The following ASXL1 variants were observed in gnomAD, a reference collection of about 807,000 sequenced individuals.
ASXL1 encodes polycomb group protein ASXL1.
In ASXL1, 65 loss-of-function variants were observed where a neutral mutation model predicts 89.1. The ratio of observed to expected loss-of-function variants is 0.73; its 90% CI spans 0.60 to 0.90. The LOEUF (loss-of-function observed/expected upper bound fraction) is 0.90, where lower values mean the gene tolerates loss of function less well. Ranked by LOEUF, ASXL1 falls within the 40% of genes least tolerant of loss-of-function variation. The pLI is 0.00. For missense variants in ASXL1, 1,786 were observed against 1,942.9 expected (o/e 0.92, Z 1.52); for synonymous variants, 739 against 746.9 (o/e 0.99, Z 0.17).
In ASXL1 at chr20:32,395,147, A is replaced by AT. The variant is rs1433570805; in HGVS notation, c.252+26028dup. 2.0e-5 allele frequency among the ~76,000 whole-genome samples: 3 copies of AT among 152,068 alleles called. No homozygotes were observed. In the East Asian group the frequency reaches 5.8e-4, roughly 29 times the overall value. ...CTTCAGTTTTTTCTCGTCAGTTCAG[A>AT]TTTTCTTTCTGCCAGAGGACTTCCT... On this transcript the variant is annotated intron_variant, in intron 4 of 12. Coordinates refer to ENST00000375687, the MANE Select transcript of ASXL1 (RefSeq NM_015338.6).
rs2145389319 is a variant in ASXL1, at chr20:32,436,622, CT to C, written c.3915del (p.Phe1305LeufsTer145). ...QSNVTGQGKK[L>X]FGSGNVAATL... ...CAATGTTACAGGCCAAGGGAAGAAGCTTTTTGGCTCTGGGAATGTGGCTGCA... is the reference window on the plus strand; with the variant it reads ...CAATGTTACAGGCCAAGGGAAGAAGCTTTTGGCTCTGGGAATGTGGCTGCA... On this transcript the variant is annotated frameshift_variant, in exon 13 of 13. Coordinates refer to ENST00000375687, the MANE Select transcript of ASXL1 (RefSeq NM_015338.6). LOFTEE classifies it high-confidence loss of function. 1 of 1,614,148 alleles carries C rather than the reference CT, an allele frequency of 6.2e-7. No homozygotes were observed. Among genetic ancestry groups the C allele is most frequent in the Non-Finnish European group, 8.5e-7 (1 of 1,180,040 alleles).
At chr20:32,433,216 A>G (rs2011581396) in intron 11 of ASXL1, 68 bp from the exon 12 acceptor site, 1 of 1,606,274 alleles carries the variant, frequency 6.2e-7, no homozygotes, top group Non-Finnish European at 8.5e-7. Flanking sequence ...CTGGGTCCAT[A>G]TTATTCATAG....
intron 4 of ASXL1, among the ~76,000 whole-genome samples, chr20:32,381,065 C>T (rs1240194662): frequency 6.6e-6 from 1 of 152,186 alleles, no homozygotes; most frequent in Non-Finnish European, 1.5e-5. Context: ...CTTGGGTATA[C>T]TTTAGGGCCC....
At chr20:32,396,824 G>GT (rs1221820816) in intron 4 of ASXL1, among the ~76,000 whole-genome samples, 8 of 151,958 alleles carry the variant, frequency 5.3e-5, no homozygotes, top group African/African-American at 1.7e-4. Flanking sequence ...TATACATGAG[G>GT]TCACATACTG....
chr20:32,371,657 G>C, intron 4 of ASXL1: 1 of 300,472 alleles, frequency 3.3e-6, no homozygotes. Context: ...CACAGCTGGA[G>C]TGCAGTAGTA....
chr20:32,384,676 G>GT (rs1312644815), intron 4 of ASXL1, among the ~76,000 whole-genome samples: 1 of 152,152 alleles, frequency 6.6e-6, no homozygotes, highest in Non-Finnish European at 1.5e-5. Context: ...TCAGAGTCTG[G>GT]TTTTATGCCC....
chr20:32,401,552 C>CTTTTTT (rs777632008), intron 4 of ASXL1, among the ~76,000 whole-genome samples: 8 of 120,334 alleles, frequency 6.6e-5, no homozygotes, highest in South Asian at 2.3e-4. Flanking sequence ...GTGTTTTTTC[C>CTTTTTT]CCCCCCCCCT....
chr20:32,422,080 C>T (rs1182193233), intron 4 of ASXL1, among the ~76,000 whole-genome samples: 6 of 149,372 alleles, frequency 4.0e-5, no homozygotes, highest in South Asian at 2.2e-4. Flanking sequence ...GGGGTTTCAC[C>T]GTGTTAGCCA....
At chr20:32,408,963 T>C (rs1185341407) in intron 4 of ASXL1, among the ~76,000 whole-genome samples, 1 of 152,096 alleles carries the variant, frequency 6.6e-6, no homozygotes, top group African/African-American at 2.4e-5. Flanking sequence ...TTTTATTTTT[T>C]TAATTTTTTA....
chr20:32,381,215 CT>C (rs957203747), intron 4 of ASXL1, among the ~76,000 whole-genome samples: 1 of 151,808 alleles, frequency 6.6e-6, no homozygotes, highest in Non-Finnish European at 1.5e-5. Flanking sequence ...TACCAAAGTC[CT>C]TTTTTTTGAG....
At chr20:32,391,209 T>C (rs2048665544) in intron 4 of ASXL1, among the ~76,000 whole-genome samples, 1 of 152,142 alleles carries the variant, frequency 6.6e-6, no homozygotes, top group Non-Finnish European at 1.5e-5. Flanking sequence ...TTTCTGTATA[T>C]TGCAGGATAG....
chr20:32,433,438 CCAGAT>C lies in ASXL1; in HGVS notation c.1242_1246del (p.Asp415ProfsTer21). ...TGGGCATTTTAAGAAACGCTCTCGG[CCAGAT>C]CTCCGAACCAGAGCCAGAAGGAATC... is the stretch of plus-strand genomic sequence containing the variant. On this transcript the variant is annotated frameshift_variant, in exon 12 of 13. Transcript: ENST00000375687. LOFTEE classifies it high-confidence loss of function. The C allele has an allele frequency of 6.2e-7, 1 of 1,614,164 alleles. No individual in the cohort carries two copies. Among genetic ancestry groups the C allele is most frequent in the Non-Finnish European group, 8.5e-7 (1 of 1,180,032 alleles).
chr20:32,385,721 C>G (rs948059547), intron 4 of ASXL1, among the ~76,000 whole-genome samples: 1 of 152,096 alleles, frequency 6.6e-6, no homozygotes, highest in African/African-American at 2.4e-5. Context: ...TACTTACTTT[C>G]ACTTCGCCCC....
At chr20:32,386,104 T>A (rs1435718888) in intron 4 of ASXL1, among the ~76,000 whole-genome samples, 2 of 152,224 alleles carry the variant, frequency 1.3e-5, no homozygotes, top group South Asian at 4.1e-4. Context: ...GTTTGATGTG[T>A]CTCTCCTGAC....
At position 32,434,931 on chromosome 20, in the gene ASXL1, C is replaced by T. The variant is rs773075570; in HGVS notation, c.2219C>T (p.Thr740Ile). ...CLLQRATVGL[T>I]DGLGDASQLP... is the part of the protein sequence containing the mutation. ...CTACAGAGGGCTACAGTTGGACTCA[C>T]AGATGGGCTAGGAGATGCCTCCCAA... The change falls in exon 13 of 13, where the codon ACA becomes ATA. Residue 740 changes from threonine to isoleucine, a missense_variant. By Grantham distance (89) the Thr-to-Ile change is moderately conservative (BLOSUM62 -1). Around this residue, in one of 3 missense-constraint regions of ASXL1, gnomAD observed 1,418 missense variants for 1,427.8 expected, o/e 0.99. Transcript: ENST00000375687. The T allele has an allele frequency of 1.2e-6, 2 of 1,614,186 alleles. No individual in the cohort carries two copies. The highest frequency in any genetic ancestry group is 2.2e-5 in the South Asian group (2 of 91,080).
Position 32,435,565 on chromosome 20 carries a change from T to A in ASXL1, c.2853T>A (p.Asp951Glu). 6.2e-7 allele frequency: 1 copy of A among 1,613,980 alleles called. No homozygotes were observed. Among genetic ancestry groups the A allele is most frequent in the Non-Finnish European group, 8.5e-7 (1 of 1,180,006 alleles). Residue 951 changes from aspartate (D) to glutamate (E), a missense_variant, in exon 13 of 13, where the codon GAT becomes GAA. By Grantham distance (45) the Asp-to-Glu change is conservative. This residue lies in a region of ASXL1 where 1,418 missense variants were observed against 1,427.8 expected (regional missense o/e 0.99). Coordinates refer to ENST00000375687, the MANE Select transcript of ASXL1 (RefSeq NM_015338.6). ...ATTTGACAGCTGAGGAGGGTCTAGA[T>A]CCTCTTGACAGCCTTACTTCACTCT... ...PGDLTAEEGL[D>E]PLDSLTSLWT...
Position 32,435,312 on chromosome 20 carries a change from G to A in ASXL1, c.2600G>A (p.Gly867Glu), listed in dbSNP as rs2011761192. Reference protein sequence around the residue: ...LQNRAFDDELGLGGSCPPMRE... With the variant: ...LQNRAFDDELELGGSCPPMRE... ...AACAGAGCATTTGATGACGAATTAG[G>A]GCTTGGTGGCTCATGCCCTCCTATG... The change falls in exon 13 of 13, where the codon GGG becomes GAG. Residue 867 changes from glycine (G) to glutamate (E), a missense_variant. This residue lies in a region of ASXL1 where 1,418 missense variants were observed against 1,427.8 expected (regional missense o/e 0.99). Coordinates refer to ENST00000375687, the MANE Select transcript of ASXL1 (RefSeq NM_015338.6). 6.2e-7 allele frequency: 1 copy of A among 1,614,068 alleles called. No homozygotes were observed. The highest frequency in any genetic ancestry group is 8.5e-7 in the Non-Finnish European group (1 of 1,180,024).
chr20:32,399,745 C>CTATTTTTTTTTT lies in ASXL1; in HGVS notation c.253-28382_253-28381insATTTTTTTTTTT, dbSNP rs1600525633. 6.0e-5 allele frequency among the ~76,000 whole-genome samples: 4 copies of CTATTTTTTTTTT among 66,598 alleles called. 1 individual carries two copies. The highest frequency in any genetic ancestry group is 5.9e-5 in the Non-Finnish European group (2 of 33,816). The allele number at this position is 66,598 out of a possible 152,430, so 43.7% of individuals were successfully genotyped here. ...ATTTTTAAAAATCTCACATATTTTA[C>CTATTTTTTTTTT]TCTTTTTTTTTTTTTTTTTTTTTTT... On this transcript the variant is annotated intron_variant, in intron 4 of 12. Coordinates refer to ENST00000375687, the MANE Select transcript of ASXL1 (RefSeq NM_015338.6).
At chr20:32,359,066 A>C in intron 1 of ASXL1, 1 of 603,534 alleles carries the variant, frequency 1.7e-6, no homozygotes, top group African/African-American at 1.9e-5. Flanking sequence ...CGCGCAGCTA[A>C]ATTCCGGCGG....
Sources: allele counts gnomAD v4.1 joint callset (sites outside exome capture counted in the v4.1 genomes callset), GRCh38; gene constraint gnomAD v4.1.1; regional missense constraint gnomAD v4.1.1; transcripts MANE v1.5; gene names NCBI Gene and HGNC (gene_info 2026-07-23, HGNC 2026-07-21).